BNC2: variants seen among roughly 807,000 people sequenced by gnomAD.
The protein encoded by BNC2 is basonuclin zinc finger protein 2, also known as zinc finger protein basonuclin-2.
Under a neutral mutation model 76.3 loss-of-function variants are expected in BNC2, and 20 were observed. The ratio of observed to expected loss-of-function variants is 0.26; its 90% confidence interval spans 0.18 to 0.38. The LOEUF is 0.38. Among genes scored for constraint, BNC2 ranks in the 10% least tolerant of loss-of-function variants. BNC2 has a pLI of 1.00. For synonymous variants in BNC2, 582 were observed against 514.8 expected (o/e 1.13, Z -1.77); for missense variants, 1,382 against 1,399.8 (o/e 0.99, Z 0.20).
In BNC2 at chr9:16,683,951, T is replaced by G. The variant is rs542068164; in HGVS notation, c.330+43846A>C. The stretch of plus-strand genomic sequence containing the variant: ...ACTTTCATTACTTTGTCCAGGAACT[T>G]AGTCTTCTTTGCAAGGTCCTTTCTG... On this transcript the variant is annotated intron_variant, in intron 3 of 6. Coordinates refer to ENST00000380672, the MANE Select transcript of BNC2 (RefSeq NM_017637.6). Among the ~76,000 whole-genome samples, 8 of 152,338 alleles carry G rather than the reference T, an allele frequency of 5.3e-5. 2 individuals carry two copies. In the South Asian group the frequency reaches 1.2e-3, roughly 24 times the overall value.
At chr9:16,420,948 C>T (rs1475189226) in intron 6 of BNC2, among the ~76,000 whole-genome samples, 2 of 152,164 alleles carry the variant, frequency 1.3e-5, no homozygotes, top group Non-Finnish European at 2.9e-5. Flanking sequence ...TACATAAAAG[C>T]TTCTCAATAC....
intron 6 of BNC2, among the ~76,000 whole-genome samples, chr9:16,420,936 GA>G (rs554676124): frequency 1.6e-3 from 240 of 152,260 alleles, no homozygotes; most frequent in African/African-American, 5.7e-3. Flanking sequence ...CATATCTACA[GA>G]TACATAAAAG....
intron 1 of BNC2, among the ~76,000 whole-genome samples, 166 bp downstream of exon 1, chr9:16,870,480 G>A (rs1373968147): frequency 6.6e-6 from 1 of 152,008 alleles, no homozygotes; most frequent in African/African-American, 2.4e-5. Context: ...GATCAGGTCG[G>A]ACCGGGGTTC....
chr9:16,794,615 GACAA>G (rs1255911269), intron 1 of BNC2, among the ~76,000 whole-genome samples: 2 of 152,084 alleles, frequency 1.3e-5, no homozygotes, highest in South Asian at 2.1e-4. Flanking sequence ...TCCACCATTA[GACAA>G]ACAAAGGCAC....
Position 16,835,086 on chromosome 9 carries a change from G to A in BNC2, c.3+35560C>T, listed in dbSNP as rs1353512473. Among the ~76,000 whole-genome samples the A allele has an allele frequency of 2.0e-5, 3 of 152,244 alleles. No individual in the cohort carries two copies. In the East Asian group the frequency reaches 5.8e-4, roughly 29 times the overall value. ...ACAAATTGTTCAAAAGAAGAACTGA[G>A]TTACAGAGTGTTGTGCAAATATCAA... is the stretch of plus-strand genomic sequence containing the variant. On this transcript the variant is annotated intron_variant, in intron 1 of 6. Transcript: ENST00000380672.
At chr9:16,544,180 C>A (rs985488721) in intron 5 of BNC2, among the ~76,000 whole-genome samples, 1 of 151,956 alleles carries the variant, frequency 6.6e-6, no homozygotes, top group Non-Finnish European at 1.5e-5. Context: ...TAGAGCTCAC[C>A]GATTAGAGTG....
intron 3 of BNC2, among the ~76,000 whole-genome samples, chr9:16,722,853 T>C (rs974461354): frequency 1.3e-5 from 2 of 152,226 alleles, no homozygotes; most frequent in Admixed American, 6.5e-5. Flanking sequence ...ATGTGAAGTC[T>C]GCATGTTATC....
chr9:16,852,063 A>G (rs2136160704), intron 1 of BNC2, among the ~76,000 whole-genome samples: 1 of 152,324 alleles, frequency 6.6e-6, no homozygotes, highest in South Asian at 2.1e-4. Context: ...TCTCACCCGC[A>G]GTCACACCGC....
rs571600414 is a variant in BNC2 at position 16,715,957 on chromosome 9, C to T, written c.330+11840G>A. Among the ~76,000 whole-genome samples the T allele has an allele frequency of 3.9e-5, 6 of 152,236 alleles. No homozygotes were observed. In the South Asian group the frequency reaches 6.2e-4, roughly 16 times the overall value. ...GCAAGTTTCATTTCAATGAAACATT[C>T]GTGCAAACCAAAGGAAACTCATTTT... On this transcript the variant is annotated intron_variant, in intron 3 of 6. Coordinates refer to ENST00000380672, the MANE Select transcript of BNC2 (RefSeq NM_017637.6).
At chr9:16,618,420 G>A (rs1007295237) in intron 3 of BNC2, among the ~76,000 whole-genome samples, 3 of 152,258 alleles carry the variant, frequency 2.0e-5, no homozygotes, top group African/African-American at 4.8e-5. Flanking sequence ...ACGGGAGGAC[G>A]CCAGGAGGAA....
Position 16,845,708 on chromosome 9 carries a change from A to G in BNC2, c.3+24938T>C, listed in dbSNP as rs189864169. ...TGCACTCCAGCCTGGGCGACAAAGC[A>G]AGACTCCGTCTCAAAATAAAATAAA... On this transcript the variant is annotated intron_variant, in intron 1 of 6. Transcript: ENST00000380672. Among the ~76,000 whole-genome samples, 363 of 151,790 alleles carry G rather than the reference A, an allele frequency of 2.4e-3. 2 individuals are homozygous for G. Among genetic ancestry groups the G allele is most frequent in the Non-Finnish European group, 4.2e-3 (285 of 67,854 alleles).
chr9:16,623,133 A>C (rs1238484683), intron 3 of BNC2, among the ~76,000 whole-genome samples: 1 of 152,156 alleles, frequency 6.6e-6, no homozygotes, highest in East Asian at 1.9e-4. Flanking sequence ...GCTCACTGAA[A>C]GCCTTTGTTG....
chr9:16,428,420 T>C (rs988584778), intron 6 of BNC2, among the ~76,000 whole-genome samples: 6 of 152,214 alleles, frequency 3.9e-5, no homozygotes, highest in Admixed American at 2.6e-4. Flanking sequence ...TTCCCATCAA[T>C]GTGATAAAGT....
At position 16,459,342 on chromosome 9, in the gene BNC2, G is replaced by A. The variant is rs947137487; in HGVS notation, c.670-21818C>T. ...GTACTTTATAAACAGCATTCAGGGA[G>A]TTTCCAGGCCTTTGTAAGTAATGCT... On this transcript the variant is annotated intron_variant, in intron 5 of 6. Coordinates refer to ENST00000380672, the MANE Select transcript of BNC2 (RefSeq NM_017637.6). 7.2e-5 allele frequency among the ~76,000 whole-genome samples: 11 copies of A among 152,166 alleles called. 1 individual carries two copies. Among genetic ancestry groups the A allele is most frequent in the Admixed American group, 2.6e-4 (4 of 15,290 alleles).
At chr9:16,618,172 G>T (rs1018807026) in intron 3 of BNC2, among the ~76,000 whole-genome samples, 4 of 152,254 alleles carry the variant, frequency 2.6e-5, no homozygotes, top group African/African-American at 9.6e-5. Flanking sequence ...GTGCCTTGGG[G>T]ACTGGTTGGC....
In BNC2 at chr9:16,580,167, T is replaced by G. The variant is rs542751212; in HGVS notation, c.433+2816A>C. On this transcript the variant is annotated intron_variant, in intron 4 of 6. Transcript: ENST00000380672. ...AGGGTTTCTGTGCAGAGAGAGGGAA[T>G]GAAGCAATTAGTTGTAATGCTAGGG... 30 of 398,522 alleles carry G rather than the reference T, an allele frequency of 7.5e-5. No homozygotes were observed. The East Asian group carries it at 1.0e-3, about 13-fold the overall frequency. 24.7% of individuals were successfully genotyped at this position (398,522 alleles called of 1,614,324 possible).
At chr9:16,810,745 C>A (rs1398129315) in intron 1 of BNC2, among the ~76,000 whole-genome samples, 1 of 152,152 alleles carries the variant, frequency 6.6e-6, no homozygotes, top group Non-Finnish European at 1.5e-5. Context: ...AGCCAGTGAT[C>A]CAAAGAGAAA....
At chr9:16,607,134 T>G (rs1305441579) in intron 3 of BNC2, among the ~76,000 whole-genome samples, 3 of 150,554 alleles carry the variant, frequency 2.0e-5, no homozygotes, top group South Asian at 2.1e-4. Context: ...AAAAAAAAAT[T>G]TATAGAAACA....
chr9:16,523,686 A>AGGCC (rs1320456748), intron 5 of BNC2, among the ~76,000 whole-genome samples: 4 of 152,066 alleles, frequency 2.6e-5, no homozygotes, highest in Non-Finnish European at 5.9e-5. Context: ...CCAACACCAG[A>AGGCC]GGCCGAGGCG....
Sources: gnomAD v4.1 joint callset for allele counts (sites outside exome capture counted in the v4.1 genomes callset) on GRCh38, gnomAD v4.1.1 for gene constraint, MANE v1.5 for transcripts, NCBI Gene and HGNC (gene_info 2026-07-23, HGNC 2026-07-21) for gene names.